GGA1: variants seen among roughly 807,000 people sequenced by gnomAD.
GGA1 encodes ADP-ribosylation factor-binding protein GGA1.
In GGA1, 18 loss-of-function variants were observed where a neutral mutation model predicts 76.9. That is an observed-to-expected ratio of 0.23 (90% CI 0.16 to 0.35). The LOEUF is 0.35. GGA1 is among the 10% of genes least tolerant of loss of function. The pLI is 1.00. For missense variants in GGA1, 755 were observed against 859.0 expected (o/e 0.88, Z 1.51); for synonymous variants, 342 against 354.7 (o/e 0.96, Z 0.40).
chr22:37,624,992 A>G lies in GGA1; in HGVS notation c.856A>G (p.Asn286Asp), dbSNP rs1368816395. The change falls in exon 10 of 17, where the codon AAC becomes GAC. Residue 286 changes from asparagine to aspartate, a missense_variant. Coordinates refer to ENST00000343632, the MANE Select transcript of GGA1 (RefSeq NM_013365.5). This position sits in a 1 kb window ranked among gnomAD's most constrained non-coding sequence, Gnocchi z 4.3. Reference sequence around the variant, plus strand: ...AGCGGAGATCCTGCAGGCCAATGACAACCTCACCCAGGTGATCAACCTGTA... The same window carrying G: ...AGCGGAGATCCTGCAGGCCAATGACGACCTCACCCAGGTGATCAACCTGTA... ...ALAEILQANDNLTQVINLYKQ... is the reference protein window; with the variant it reads ...ALAEILQANDDLTQVINLYKQ... The G allele has an allele frequency of 6.3e-7, 1 of 1,595,242 alleles. No individual in the cohort carries two copies. The highest frequency in any genetic ancestry group is 1.7e-5 in the Admixed American group (1 of 57,526).
intron 13 of GGA1, chr22:37,630,623 G>A: frequency 4.0e-6 from 2 of 506,130 alleles, no homozygotes. Context: ...CTGGAGTACA[G>A]TGGCATGATC....
At chr22:37,610,746 T>A (rs1459768526) in intron 1 of GGA1, 1 of 152,208 alleles carries the variant, frequency 6.6e-6, no homozygotes, top group African/African-American at 2.4e-5. Context: ...GGTGGAGTCT[T>A]ACCCTGTTGT....
At chr22:37,614,981 A>G (rs1601508775) in intron 2 of GGA1, among the ~76,000 whole-genome samples, 1 of 152,140 alleles carries the variant, frequency 6.6e-6, no homozygotes, top group South Asian at 2.1e-4. Context: ...TCTGTCTCGA[A>G]AAACAAAACA....
In GGA1 at chr22:37,632,358, G is replaced by GA; in HGVS notation, c.1699-46dup. ...GGCTGGGCCTGGTTCCTCAGAGCAGGACAAGCAGCCAGGGCTAGCTGTGCC... is the reference window on the plus strand; with the variant it reads ...GGCTGGGCCTGGTTCCTCAGAGCAGGAACAAGCAGCCAGGGCTAGCTGTGCC... On this transcript the variant is annotated intron_variant, in intron 15 of 16. Transcript: ENST00000343632. The surrounding 1 kb of genome is among the most constrained non-coding windows in gnomAD (Gnocchi z 5.1). The GA allele has an allele frequency of 6.9e-7, 1 of 1,453,646 alleles. No individual in the cohort carries two copies. The allele number at this position is 1,453,646 out of a possible 1,614,324, so 90.0% of individuals were successfully genotyped here.
chr22:37,608,946 C>G (rs1926910482), intron 1 of GGA1, 43 bp downstream of exon 1: 3 of 1,297,950 alleles, frequency 2.3e-6, no homozygotes, highest in African/African-American at 1.6e-5. Context: ...GAACCGGAAC[C>G]GGGGGCACGA....
At chr22:37,614,321 A>T in intron 2 of GGA1, 47 bp downstream of exon 2, 1 of 1,348,950 alleles carries the variant, frequency 7.4e-7, no homozygotes, top group Middle Eastern at 1.8e-4. Flanking sequence ...ACTCTCCAGA[A>T]CCCAGTCTCG....
chr22:37,616,838 G>A (rs1278519510), intron 2 of GGA1, 84 bp from the exon 3 acceptor site: 8 of 1,435,792 alleles, frequency 5.6e-6, no homozygotes, highest in African/African-American at 2.9e-5. Flanking sequence ...GAGGAGGGCT[G>A]CAGTCCCAGC....
intron 11 of GGA1, chr22:37,626,601 G>A (rs975433646): frequency 6.6e-6 from 1 of 152,298 alleles, no homozygotes; most frequent in Admixed American, 6.5e-5. Flanking sequence ...ATGAAGAGCA[G>A]ATACGTTAGG....
chr22:37,618,920 G>C (rs903513381), intron 4 of GGA1, among the ~76,000 whole-genome samples: 3 of 152,166 alleles, frequency 2.0e-5, no homozygotes, highest in African/African-American at 7.2e-5. Flanking sequence ...CTGGTCTCTG[G>C]CAGGTTTCCC....
chr22:37,613,258 GC>G, intron 1 of GGA1: 1 of 717,746 alleles, frequency 1.4e-6, no homozygotes, highest in Non-Finnish European at 1.7e-6. Flanking sequence ...CATCTTTCCT[GC>G]CCATACAGCC....
In GGA1 at chr22:37,632,231, G is replaced by T; in HGVS notation, c.1698+66G>T. ...AGGCAGGGTGACATGGAGCTGGGTG[G>T]GGAGCCACCTGTCAGGGGGCAGGTC... is the stretch of plus-strand genomic sequence containing the variant. On this transcript the variant is annotated intron_variant, in intron 15 of 16. Transcript: ENST00000343632. This position sits in a 1 kb window ranked among gnomAD's most constrained non-coding sequence, Gnocchi z 5.1. 6.6e-7 allele frequency: 1 copy of T among 1,510,898 alleles called. No individual in the cohort carries two copies. Among genetic ancestry groups the T allele is most frequent in the South Asian group, 1.2e-5 (1 of 84,268 alleles). The allele number at this position is 1,510,898 out of a possible 1,614,324, so 93.6% of individuals were successfully genotyped here.
intron 13 of GGA1, 105 bp from the exon 14 acceptor site, chr22:37,630,798 G>A (rs1216000607): frequency 1.3e-6 from 1 of 766,558 alleles, no homozygotes; most frequent in South Asian, 1.6e-5. Context: ...AAACTCCTGA[G>A]CTCAAGCGAT....
chr22:37,621,739 G>T (rs1387279069), intron 7 of GGA1, 43 bp downstream of exon 7: 2 of 1,332,870 alleles, frequency 1.5e-6, no homozygotes, highest in East Asian at 2.5e-5. Flanking sequence ...CGGGATGGGG[G>T]TATTGAGCTG....
intron 11 of GGA1, chr22:37,626,628 C>T (rs1236836085): frequency 2.6e-5 from 4 of 152,290 alleles, no homozygotes; most frequent in Non-Finnish European, 4.4e-5. Context: ...TCAAAGGAAT[C>T]CTCAGGGATA....
chr22:37,620,035 C>G, intron 4 of GGA1: 2 of 638,570 alleles, frequency 3.1e-6, no homozygotes, highest in Non-Finnish European at 5.7e-6. Flanking sequence ...GAAACAGACA[C>G]TGAGGGCTGA....
At chr22:37,611,578 A>G (rs1927589303) in intron 1 of GGA1, among the ~76,000 whole-genome samples, 1 of 152,192 alleles carries the variant, frequency 6.6e-6, no homozygotes, top group South Asian at 2.1e-4. Flanking sequence ...AGTTGGATGA[A>G]TGGCGGCCAG....
In GGA1 at chr22:37,623,029, G is replaced by T. The variant is rs1200580527; in HGVS notation, c.610-298G>T. ...CACTGAGAACCACAGTGGAGGTCTAGGGCCCTGGGCCTTCAGAAGCACCTG... is the reference window on the plus strand; with the variant it reads ...CACTGAGAACCACAGTGGAGGTCTATGGCCCTGGGCCTTCAGAAGCACCTG... On this transcript the variant is annotated intron_variant, in intron 7 of 16. Transcript: ENST00000343632. The surrounding 1 kb of genome is among the most constrained non-coding windows in gnomAD (Gnocchi z 4.6). Among the ~76,000 whole-genome samples the T allele has an allele frequency of 6.6e-6, 1 of 152,216 alleles. No homozygotes were observed. The highest frequency in any genetic ancestry group is 2.4e-5 in the African/African-American group (1 of 41,442).
Position 37,625,183 on chromosome 22 carries a change from G to T in GGA1, c.940+107G>T. ...GAGCGGCTGGAATGACTGCCAGGGT[G>T]ACCCTGGCCCCTTAAGATGGGGAAG... On this transcript the variant is annotated intron_variant, in intron 10 of 16. Coordinates refer to ENST00000343632, the MANE Select transcript of GGA1 (RefSeq NM_013365.5). The surrounding 1 kb of genome is among the most constrained non-coding windows in gnomAD (Gnocchi z 4.1). 2 of 1,019,278 alleles carry T rather than the reference G, an allele frequency of 2.0e-6. No homozygotes were observed. Among genetic ancestry groups the T allele is most frequent in the Non-Finnish European group, 2.9e-6 (2 of 683,154 alleles). The allele number at this position is 1,019,278 out of a possible 1,614,324, so 63.1% of individuals were successfully genotyped here. A position where few individuals can be genotyped will look rare whatever the true frequency, so the allele number is the denominator to read the frequency against.
intron 2 of GGA1, among the ~76,000 whole-genome samples, chr22:37,615,448 CAAA>C (rs1928593128): frequency 6.7e-6 from 1 of 149,456 alleles, no homozygotes; most frequent in Non-Finnish European, 1.5e-5. Context: ...AACTCCGTCT[CAAA>C]AAATAAGTAA....
Sources: allele counts gnomAD v4.1 joint callset (sites outside exome capture counted in the v4.1 genomes callset), GRCh38; gene constraint gnomAD v4.1.1; non-coding constraint Gnocchi (gnomAD v3.1); transcripts MANE v1.5; gene names NCBI Gene and HGNC (gene_info 2026-07-23, HGNC 2026-07-21).